Variants in KLF7 observed in about 807,000 individuals in gnomAD.
The protein encoded by KLF7 is KLF transcription factor 7, also known as Krueppel-like factor 7.
KLF7 carries 2 observed loss-of-function variants against 27.3 expected under a neutral mutation model. The observed-to-expected ratio is 0.07, with a 90% CI of 0.03 to 0.23. The LOEUF is 0.23. Ranked by LOEUF, KLF7 falls within the 10% of genes least tolerant of loss-of-function variation. KLF7 has a pLI of 1.00. For missense variants in KLF7, 221 were observed against 394.1 expected, an observed-to-expected ratio of 0.56 and a Z score of 3.72; for synonymous variants, 165 against 162.4, an observed-to-expected ratio of 1.02 and a Z score of -0.12.
intron 1 of KLF7, among the ~76,000 whole-genome samples, chr2:207,125,866 T>C (rs1402301422): frequency 6.6e-6 from 1 of 152,214 alleles, no homozygotes; most frequent in Non-Finnish European, 1.5e-5. Flanking sequence ...ATGATGCAGG[T>C]ATAGAATAAA....
intron 1 of KLF7, among the ~76,000 whole-genome samples, chr2:207,128,110 G>T (rs2077530665): frequency 1.3e-5 from 2 of 152,272 alleles, no homozygotes; most frequent in South Asian, 4.1e-4. Flanking sequence ...AGAAATAGTT[G>T]TTGGAAGGGC....
At chr2:207,112,813 C>G (rs545961650) in intron 2 of KLF7, among the ~76,000 whole-genome samples, 28 of 152,306 alleles carry the variant, frequency 1.8e-4, no homozygotes, top group African/African-American at 6.7e-4. Flanking sequence ...ACCTTTTTAC[C>G]TGTTTTTTAA....
chr2:207,155,405 T>C (rs983959779), intron 1 of KLF7, among the ~76,000 whole-genome samples: 1 of 152,226 alleles, frequency 6.6e-6, no homozygotes. Context: ...TTAAGCTTCC[T>C]GTGCCCCATT....
intron 3 of KLF7, among the ~76,000 whole-genome samples, chr2:207,087,425 G>C (rs555574301): frequency 6.6e-6 from 1 of 152,246 alleles, no homozygotes; most frequent in South Asian, 2.1e-4. Context: ...CACTACTACA[G>C]AGGAAGCCCT....
upstream of KLF7, chr2:207,166,961 T>G: frequency 5.2e-6 from 3 of 576,564 alleles, no homozygotes; most frequent in Non-Finnish European, 4.5e-6. Context: ...CCGCCCTCCC[T>G]CCCGCGCCTC....
chr2:207,108,137 G>A (rs925574222), intron 2 of KLF7, among the ~76,000 whole-genome samples: 4 of 152,134 alleles, frequency 2.6e-5, no homozygotes, highest in Non-Finnish European at 4.4e-5. Context: ...ATTCTTTCTG[G>A]CTTTGCTCAT....
rs1231970016 is a variant in KLF7 at position 207,079,526 on chromosome 2, C to A, written c.*1687G>T. On this transcript the variant is annotated 3_prime_UTR_variant, in exon 4 of 4. Coordinates refer to ENST00000309446, the MANE Select transcript of KLF7 (RefSeq NM_003709.4). The stretch of plus-strand genomic sequence containing the variant: ...AATATACAATCTGTCCTAATAACCA[C>A]CCCGCTTGCTTGCATAGGCCATTTG... 1.3e-5 allele frequency: 2 copies of A among 152,208 alleles called. No individual in the cohort carries two copies. The highest frequency in any genetic ancestry group is 2.9e-5 in the Non-Finnish European group (2 of 68,060). The allele number at this position is 152,208 out of a possible 1,614,324, so 9.4% of individuals were successfully genotyped here.
In KLF7 at chr2:207,076,463, G is replaced by A. The variant is rs1346699504; in HGVS notation, c.*4750C>T. On this transcript the variant is annotated 3_prime_UTR_variant, in exon 4 of 4. Transcript: ENST00000309446. ...ACCTGAAAAATACAGTACTCTATTGGAAGGATGCACATAAGAAAGTTAACT... is the reference window on the plus strand; with the variant it reads ...ACCTGAAAAATACAGTACTCTATTGAAAGGATGCACATAAGAAAGTTAACT... The A allele has an allele frequency of 6.6e-6, 1 of 152,094 alleles. No individual in the cohort carries two copies. Among genetic ancestry groups the A allele is most frequent in the African/African-American group, 2.4e-5 (1 of 41,412 alleles). 9.4% of individuals were successfully genotyped at this position (152,094 alleles called of 1,614,324 possible). A position where few individuals can be genotyped will look rare whatever the true frequency, so the allele number is the denominator to read the frequency against.
rs927327960 is a variant in KLF7 at position 207,088,539 on chromosome 2, C to T, written c.776G>A (p.Arg259His). 9.9e-6 allele frequency: 16 copies of T among 1,614,092 alleles called. No individual in the cohort carries two copies. The highest frequency in any genetic ancestry group is 2.2e-5 in the South Asian group (2 of 91,080). Residue 259 changes from arginine to histidine, a missense_variant, in exon 3 of 4, where the codon CGT (arginine) becomes CAT (histidine). This residue lies in a region of KLF7 where 30 missense variants were observed against 115.4 expected (regional missense o/e 0.26). Coordinates refer to ENST00000309446, the MANE Select transcript of KLF7 (RefSeq NM_003709.4). ...YKCSWEGCEW[R>H]FARSDELTRH... ...CGTGAGCTCATCGCTTCGTGCAAAA[C>T]GCCACTCACATCCCTCCCATGAGCA...
rs1187419310 is a variant in KLF7, at chr2:207,080,094, C to A, written c.*1119G>T. ...GTAACTGGTTATGGGGTAGCAATGA[C>A]ACACAGCACAACGGTTGATCACTAT... On this transcript the variant is annotated 3_prime_UTR_variant, in exon 4 of 4. Coordinates refer to ENST00000309446, the MANE Select transcript of KLF7 (RefSeq NM_003709.4). The A allele has an allele frequency of 6.6e-6, 1 of 152,204 alleles. No homozygotes were observed. The highest frequency in any genetic ancestry group is 1.5e-5 in the Non-Finnish European group (1 of 68,056). The allele number at this position is 152,204 out of a possible 1,614,324, so 9.4% of individuals were successfully genotyped here.
chr2:207,164,920 C>T (rs1159292904), intron 1 of KLF7, among the ~76,000 whole-genome samples: 2 of 152,106 alleles, frequency 1.3e-5, no homozygotes, highest in African/African-American at 4.8e-5. Flanking sequence ...TGCCTACCTT[C>T]TAATCTCAAA....
chr2:207,173,145 T>C, the KLF7 span, among the ~76,000 whole-genome samples: 8 of 152,078 alleles, frequency 5.3e-5, no homozygotes, highest in Admixed American at 3.3e-4. Context: ...TGAGAACATG[T>C]ATGTGGCCAC....
At chr2:207,134,153 G>GGTTTT in intron 1 of KLF7, 3 of 1,297,544 alleles carry the variant, frequency 2.3e-6, no homozygotes, top group South Asian at 1.6e-5. Context: ...GGGCTACTGG[G>GGTTTT]ATTTTTTTTT....
Position 207,077,241 on chromosome 2 carries a change from T to A in KLF7, c.*3972A>T, listed in dbSNP as rs190421525. 1 of 152,238 alleles carries A rather than the reference T, an allele frequency of 6.6e-6. No individual in the cohort carries two copies. Among genetic ancestry groups the A allele is most frequent in the Non-Finnish European group, 1.5e-5 (1 of 68,044 alleles). 9.4% of individuals were successfully genotyped at this position (152,238 alleles called of 1,614,324 possible). On this transcript the variant is annotated 3_prime_UTR_variant, in exon 4 of 4. Coordinates refer to ENST00000309446, the MANE Select transcript of KLF7 (RefSeq NM_003709.4). ...GCAGGAATAAAGGCAAGAGGCAATG[T>A]TCCGAATGCACTGGAAGAGCCATCC...
chr2:207,085,060 G>A (rs953771765), intron 3 of KLF7, among the ~76,000 whole-genome samples: 1 of 150,742 alleles, frequency 6.6e-6, no homozygotes, highest in Non-Finnish European at 1.5e-5. Context: ...TTCTTAGGAG[G>A]CTGAGGCAGG....
intron 2 of KLF7, among the ~76,000 whole-genome samples, chr2:207,122,690 G>A (rs1448008850): frequency 2.0e-5 from 3 of 152,132 alleles, no homozygotes; most frequent in Non-Finnish European, 4.4e-5. Context: ...TTCTTTGGAG[G>A]CACAGCCCAG....
chr2:207,099,679 T>A (rs1208960807), intron 2 of KLF7, among the ~76,000 whole-genome samples: 2 of 150,014 alleles, frequency 1.3e-5, no homozygotes, highest in Non-Finnish European at 3.0e-5. Flanking sequence ...GGCTTCAGCA[T>A]CCTAAATTTG....
At chr2:207,114,290 C>T (rs1393483485) in intron 2 of KLF7, among the ~76,000 whole-genome samples, 1 of 152,166 alleles carries the variant, frequency 6.6e-6, no homozygotes, top group Non-Finnish European at 1.5e-5. Context: ...AGGCTCATGA[C>T]CAATTGAGAA....
chr2:207,162,365 C>T (rs945121408), intron 1 of KLF7, among the ~76,000 whole-genome samples: 5 of 152,228 alleles, frequency 3.3e-5, no homozygotes, highest in South Asian at 2.1e-4. Context: ...TTAAGAATTG[C>T]GCGTCAGCTG....
Sources: gnomAD v4.1 joint callset for allele counts (sites outside exome capture counted in the v4.1 genomes callset) on GRCh38, gnomAD v4.1.1 for gene constraint, gnomAD v4.1.1 regional missense constraint, MANE v1.5 for transcripts, NCBI Gene and HGNC (gene_info 2026-07-23, HGNC 2026-07-21) for gene names.